The following GSE1 variants were observed in gnomAD, a reference collection of about 807,000 sequenced individuals.
GSE1 encodes genetic suppressor element 1.
GSE1 carries 32 observed loss-of-function variants against 112.6 expected under a neutral mutation model. The ratio of observed to expected loss-of-function variants is 0.28; its 90% confidence interval spans 0.21 to 0.38. GSE1 has a LOEUF of 0.38. GSE1 is among the 10% of genes least tolerant of loss of function. The probability of loss-of-function intolerance (pLI) is 1.00; values close to 1 mark genes in which losing one functional copy is unlikely to be tolerated. For synonymous variants in GSE1, 1,115 were observed against 735.6 expected (o/e 1.52, Z -8.35); for missense variants, 2,348 against 1,699.2 (o/e 1.38, Z -6.71).
intron 1 of GSE1, among the ~76,000 whole-genome samples, chr16:85,286,445 G>A (rs2045028089): frequency 6.6e-6 from 1 of 152,252 alleles, no homozygotes; most frequent in Non-Finnish European, 1.5e-5. Context: ...ACTGAATCAA[G>A]GACTTGGTGA....
rs544592158 is a variant in GSE1, at chr16:85,561,980, C to T, written c.37+5617C>T. ...AGGGTGCTTGGAGCCGAGGCGGGGA[C>T]GGGGCACCCGCAGGGACCAAGGTCT... On this transcript the variant is annotated intron_variant, in intron 1 of 2. Transcript: ENST00000635906. Among the ~76,000 whole-genome samples the T allele has an allele frequency of 3.3e-5, 5 of 152,304 alleles. No individual in the cohort carries two copies. In the East Asian group the frequency reaches 9.6e-4, roughly 29 times the overall value.
chr16:85,193,192 C>G (rs1035006920), intron 1 of GSE1, among the ~76,000 whole-genome samples: 1 of 152,186 alleles, frequency 6.6e-6, no homozygotes, highest in Non-Finnish European at 1.5e-5. Context: ...TCCACATTCC[C>G]TCTATTTCTC....
At chr16:85,525,095 G>T (rs2052321780) in intron 2 of GSE1, among the ~76,000 whole-genome samples, 1 of 152,190 alleles carries the variant, frequency 6.6e-6, no homozygotes, top group South Asian at 2.1e-4. Flanking sequence ...CTGGCCCGGG[G>T]GGTTTCGCCA....
At chr16:85,478,889 T>C (rs2050560847) in intron 2 of GSE1, among the ~76,000 whole-genome samples, 1 of 72,088 alleles carries the variant, frequency 1.4e-5, no homozygotes, top group Non-Finnish European at 2.4e-5. Context: ...CTTTCTTTCT[T>C]TCTTTCTTTC....
chr16:85,403,344 G>A (rs1289759021), intron 2 of GSE1, among the ~76,000 whole-genome samples: 7 of 152,186 alleles, frequency 4.6e-5, no homozygotes, highest in Non-Finnish European at 7.3e-5. Context: ...CTTAAAGGGC[G>A]GGGGCCACCC....
intron 1 of GSE1, among the ~76,000 whole-genome samples, chr16:85,214,491 A>G (rs1597816043): frequency 6.6e-6 from 1 of 152,200 alleles, no homozygotes; most frequent in Admixed American, 6.5e-5. Context: ...AAGCTGGAAA[A>G]GGCAGGGAGG....
At chr16:85,259,741 G>A (rs1362704062) in intron 1 of GSE1, among the ~76,000 whole-genome samples, 1 of 152,238 alleles carries the variant, frequency 6.6e-6, no homozygotes, top group Non-Finnish European at 1.5e-5. Flanking sequence ...CCTGCTCTCT[G>A]CTTCCCTGTT....
At chr16:85,433,696 G>C (rs910353718) in intron 2 of GSE1, among the ~76,000 whole-genome samples, 1 of 152,082 alleles carries the variant, frequency 6.6e-6, no homozygotes, top group Non-Finnish European at 1.5e-5. Flanking sequence ...CAGAAGGATA[G>C]ATGGGCCAGT....
At chr16:85,590,342 C>T (rs1258080679) in intron 1 of GSE1, among the ~76,000 whole-genome samples, 1 of 139,906 alleles carries the variant, frequency 7.1e-6, no homozygotes, top group Non-Finnish European at 1.5e-5. Context: ...GTGTGATTAA[C>T]GCGTGGGCCT....
chr16:85,484,268 G>A (rs2050768587), intron 2 of GSE1, among the ~76,000 whole-genome samples: 1 of 152,238 alleles, frequency 6.6e-6, no homozygotes, highest in African/African-American at 2.4e-5. Flanking sequence ...CGGGTCCCCT[G>A]GGAACCAGGA....
chr16:85,250,517 A>C (rs1906356404), intron 1 of GSE1, among the ~76,000 whole-genome samples: 1 of 152,222 alleles, frequency 6.6e-6, no homozygotes, highest in South Asian at 2.1e-4. Context: ...CTTGCCATGG[A>C]GACCCCAAGC....
intron 1 of GSE1, among the ~76,000 whole-genome samples, chr16:85,577,173 G>A (rs1383394628): frequency 3.9e-5 from 6 of 152,142 alleles, no homozygotes; most frequent in East Asian, 1.9e-4. Context: ...CTGGGCACCC[G>A]GCCAGGGGCA....
At chr16:85,178,372 G>A (rs67192158) in intron 1 of GSE1, among the ~76,000 whole-genome samples, 19,785 of 152,002 alleles carry the variant, frequency 0.13, 1,830 homozygotes, top group East Asian at 0.47. Context: ...AAGAGGGGAC[G>A]GGCACGAGGG....
At chr16:85,556,325 C>A in exon 1 of GSE1, 1 of 984,616 alleles carries the variant, frequency 1.0e-6, no homozygotes, top group Non-Finnish European at 1.2e-6. Flanking sequence ...CTAATTTGAA[C>A]CATGTTTGGA....
At chr16:85,573,071 C>T (rs1030183082) in intron 1 of GSE1, among the ~76,000 whole-genome samples, 5 of 152,162 alleles carry the variant, frequency 3.3e-5, no homozygotes, top group Non-Finnish European at 5.9e-5. Flanking sequence ...GCCATATTTG[C>T]CAGGCTGGTC....
chr16:85,416,999 C>T (rs2048718043), intron 2 of GSE1, among the ~76,000 whole-genome samples: 1 of 152,218 alleles, frequency 6.6e-6, no homozygotes, highest in African/African-American at 2.4e-5. Context: ...GGAGTACAGG[C>T]ACAAGCCACC....
intron 1 of GSE1, among the ~76,000 whole-genome samples, chr16:85,314,604 G>A (rs1160571435): frequency 6.6e-6 from 1 of 152,116 alleles, no homozygotes; most frequent in Admixed American, 6.5e-5. Context: ...ACACCCACAG[G>A]CTCCCTCCTT....
At chr16:85,378,484 C>T (rs1415693632) in intron 2 of GSE1, among the ~76,000 whole-genome samples, 1 of 152,188 alleles carries the variant, frequency 6.6e-6, no homozygotes, top group South Asian at 2.1e-4. Context: ...GCTCAGCCTC[C>T]CTGACTTCCC....
At chr16:85,424,598 G>A (rs9923263) in intron 2 of GSE1, among the ~76,000 whole-genome samples, 3,353 of 152,318 alleles carry the variant, frequency 0.022, 114 homozygotes, top group African/African-American at 0.077. Context: ...CTCCCAGCCC[G>A]CCAGGATCTT....
Sources: allele counts gnomAD v4.1 joint callset (sites outside exome capture counted in the v4.1 genomes callset), GRCh38; gene constraint gnomAD v4.1.1; transcripts MANE v1.5; gene names NCBI Gene and HGNC (gene_info 2026-07-23, HGNC 2026-07-21).